Variants in DNAAF4 observed in about 807,000 individuals in gnomAD.
DNAAF4 encodes dynein assembly factor 4, axonemal.
A neutral mutation model predicts 51.8 loss-of-function variants in DNAAF4; 43 were observed. The ratio of observed to expected loss-of-function variants is 0.83; its 90% confidence interval spans 0.65 to 1.07. DNAAF4 has a LOEUF of 1.07. Among genes scored for constraint, DNAAF4 ranks in the 50% least tolerant of loss-of-function variants. The pLI is 0.00. For missense variants in DNAAF4, 581 were observed against 493.0 expected (o/e 1.18, Z -1.69); for synonymous variants, 194 against 165.6 (o/e 1.17, Z -1.32).
intron 1 of DNAAF4, among the ~76,000 whole-genome samples, chr15:55,498,871 A>G (rs2058675263): frequency 6.7e-6 from 1 of 149,588 alleles, no homozygotes; most frequent in African/African-American, 2.5e-5. Context: ...AAATCGCGCC[A>G]TTGCACTCCA....
At chr15:55,457,685 C>T (rs2058040287) in intron 5 of DNAAF4, among the ~76,000 whole-genome samples, 1 of 152,228 alleles carries the variant, frequency 6.6e-6, no homozygotes, top group African/African-American at 2.4e-5. Context: ...CTTCCTGCAA[C>T]ACCCTGTCTA....
chr15:55,433,838 T>A (rs1325700015), intron 8 of DNAAF4, among the ~76,000 whole-genome samples: 15 of 68,764 alleles, frequency 2.2e-4, no homozygotes, highest in African/African-American at 6.8e-4. Flanking sequence ...ATTACATATA[T>A]TATATATTAT....
chr15:55,418,854 CAAAG>C (rs1188532150), intron 7 of DNAAF4: 5 of 205,566 alleles, frequency 2.4e-5, no homozygotes, highest in Non-Finnish European at 3.8e-5. Flanking sequence ...CTTATCAAGA[CAAAG>C]GAACACAGGA....
chr15:55,492,863 T>G (rs1488228081), intron 3 of DNAAF4, among the ~76,000 whole-genome samples: 3 of 152,196 alleles, frequency 2.0e-5, no homozygotes, highest in Non-Finnish European at 2.9e-5. Context: ...ATTATGTGCT[T>G]CTTTATTAAT....
intron 5 of DNAAF4, among the ~76,000 whole-genome samples, chr15:55,458,989 T>C (rs1427847931): frequency 1.3e-5 from 2 of 151,542 alleles, no homozygotes; most frequent in Non-Finnish European, 2.9e-5. Context: ...GGCAGGAGAA[T>C]TGCTTGAACC....
At chr15:55,444,334 G>C (rs887795204) in intron 6 of DNAAF4, among the ~76,000 whole-genome samples, 4 of 152,146 alleles carry the variant, frequency 2.6e-5, no homozygotes, top group African/African-American at 9.7e-5. Flanking sequence ...TGTCAGGTTT[G>C]TCAAAGATCA....
chr15:55,469,679 A>T (rs2058224399), intron 4 of DNAAF4, among the ~76,000 whole-genome samples: 1 of 150,674 alleles, frequency 6.6e-6, no homozygotes, highest in Non-Finnish European at 1.5e-5. Flanking sequence ...TTTAGTAGAG[A>T]CGGGGTTTCA....
rs369854696 is a variant in DNAAF4 at position 55,433,848 on chromosome 15, T to C, written c.1047+1057A>G. On this transcript the variant is annotated intron_variant, in intron 8 of 9. Transcript: ENST00000321149. ...TATATATTACATATATTATATATTA[T>C]ATATATTATAATATATATTATATAT... Among the ~76,000 whole-genome samples the C allele has an allele frequency of 3.4e-4, 23 of 67,834 alleles. 1 individual carries two copies. The highest frequency in any genetic ancestry group is 8.5e-4 in the African/African-American group (16 of 18,894). 44.5% of individuals were successfully genotyped at this position (67,834 alleles called of 152,430 possible).
At position 55,449,695 on chromosome 15, in the gene DNAAF4, G is replaced by GT. The variant is rs1195492282; in HGVS notation, c.783+526_783+527insA. 2.6e-4 allele frequency among the ~76,000 whole-genome samples: 9 copies of GT among 35,278 alleles called. 1 individual carries two copies. Among genetic ancestry groups the GT allele is most frequent in the Non-Finnish European group, 3.5e-4 (7 of 20,220 alleles). 23.1% of individuals were successfully genotyped at this position (35,278 alleles called of 152,430 possible). On this transcript the variant is annotated intron_variant, in intron 6 of 9. Coordinates refer to ENST00000321149, the MANE Select transcript of DNAAF4 (RefSeq NM_130810.4). ...AACAAACAACAACAACAAAAAGACC[G>GT]CTTTTTTTTTTTTTTTTTTTTGATT... is the stretch of plus-strand genomic sequence containing the variant.
intron 6 of DNAAF4, among the ~76,000 whole-genome samples, chr15:55,441,349 C>T (rs958393924): frequency 2.6e-5 from 4 of 152,202 alleles, no homozygotes; most frequent in South Asian, 2.1e-4. Context: ...GGATTACAGG[C>T]GTGAGCCACC....
chr15:55,420,368 A>G (rs773059110), intron 7 of DNAAF4, among the ~76,000 whole-genome samples: 1 of 152,166 alleles, frequency 6.6e-6, no homozygotes, highest in Non-Finnish European at 1.5e-5. Context: ...TTCAGCTGCC[A>G]TCTGTTTAAA....
chr15:55,474,029 A>G lies in DNAAF4; in HGVS notation c.406-6868T>C, dbSNP rs903327712. Among the ~76,000 whole-genome samples, 4 of 152,074 alleles carry G rather than the reference A, an allele frequency of 2.6e-5. No homozygotes were observed. The East Asian group carries it at 5.8e-4, about 22-fold the overall frequency. On this transcript the variant is annotated intron_variant, in intron 4 of 9. Transcript: ENST00000321149. ...ATAAAAAATAAAAGAAATATTAGAA[A>G]TATTTCCAGCAAAATCACTAAGGCA... is the stretch of plus-strand genomic sequence containing the variant.
At chr15:55,484,604 A>AT (rs2058461104) in intron 4 of DNAAF4, among the ~76,000 whole-genome samples, 1 of 152,184 alleles carries the variant, frequency 6.6e-6, no homozygotes, top group Admixed American at 6.5e-5. Flanking sequence ...ATACTCGTGT[A>AT]TATTAGTCAG....
chr15:55,433,950 A>ATATTTTATATAATATATTATAT (rs1555413855), intron 8 of DNAAF4, among the ~76,000 whole-genome samples: 19 of 33,160 alleles, frequency 5.7e-4, no homozygotes, highest in East Asian at 1.6e-3. Context: ...TATATAATAT[A>ATATTTTATATAATATATTATAT]TATAATATAT....
intron 4 of DNAAF4, among the ~76,000 whole-genome samples, chr15:55,475,340 A>G (rs1429355491): frequency 5.3e-5 from 8 of 152,190 alleles, no homozygotes; most frequent in Admixed American, 2.6e-4. Context: ...AAATTAACCA[A>G]AAGAAGACTA....
chr15:55,425,543 G>A (rs1405718364), downstream of DNAAF4, among the ~76,000 whole-genome samples: 1 of 150,424 alleles, frequency 6.6e-6, no homozygotes, highest in Non-Finnish European at 1.5e-5. Context: ...TCCATGCTGA[G>A]GTCTCTTTTT....
chr15:55,444,821 G>A (rs953839332), intron 6 of DNAAF4, among the ~76,000 whole-genome samples: 4 of 152,096 alleles, frequency 2.6e-5, no homozygotes, highest in Non-Finnish European at 4.4e-5. Context: ...GTGAATGGGA[G>A]TTCACTCATG....
chr15:55,442,758 T>C, intron 6 of DNAAF4: 2 of 1,590,788 alleles, frequency 1.3e-6, no homozygotes, highest in Non-Finnish European at 8.6e-7. Context: ...CTTTATCAAG[T>C]TGGCTATTTA....
chr15:55,444,826 C>T (rs186497963), intron 6 of DNAAF4, among the ~76,000 whole-genome samples: 3 of 152,182 alleles, frequency 2.0e-5, no homozygotes, highest in African/African-American at 7.2e-5. Context: ...TGGGAGTTCA[C>T]TCATGATTCG....
Sources: gnomAD v4.1 joint callset for allele counts (sites outside exome capture counted in the v4.1 genomes callset) on GRCh38, gnomAD v4.1.1 for gene constraint, MANE v1.5 for transcripts, NCBI Gene and HGNC (gene_info 2026-07-23, HGNC 2026-07-21) for gene names.